Variants in SDC2 observed in about 807,000 individuals in gnomAD.
The protein encoded by SDC2 is syndecan 2.
A neutral mutation model predicts 22.2 loss-of-function variants in SDC2; 13 were observed. The observed-to-expected ratio is 0.59, with a 90% confidence interval of 0.38 to 0.93. The LOEUF is 0.93. Among genes scored for constraint, SDC2 ranks in the 40% least tolerant of loss-of-function variants. SDC2 has a pLI of 0.00. For missense variants in SDC2, 235 were observed against 246.8 expected, an observed-to-expected ratio of 0.95 and a Z score of 0.32; for synonymous variants, 94 against 92.8, an observed-to-expected ratio of 1.01 and a Z score of -0.07.
At chr8:96,535,459 A>C (rs994264696) in intron 1 of SDC2, among the ~76,000 whole-genome samples, 10 of 152,238 alleles carry the variant, frequency 6.6e-5, no homozygotes, top group African/African-American at 2.2e-4. Flanking sequence ...TTCTCCCATT[A>C]CAACTTTTTA....
chr8:96,598,936 C>CT (rs1814928408), intron 2 of SDC2, among the ~76,000 whole-genome samples: 1 of 141,896 alleles, frequency 7.0e-6, no homozygotes, highest in African/African-American at 2.6e-5. Flanking sequence ...CCATCTGTCT[C>CT]TATCTTTTTT....
At chr8:96,594,414 C>T (rs773802889) in intron 2 of SDC2, among the ~76,000 whole-genome samples, 1 of 152,106 alleles carries the variant, frequency 6.6e-6, no homozygotes, top group East Asian at 1.9e-4. Context: ...AGTAGGCAAG[C>T]TATTTTTTCA....
intron 1 of SDC2, among the ~76,000 whole-genome samples, chr8:96,495,655 ATGAGTT>A (rs1439141388): frequency 6.6e-6 from 1 of 152,072 alleles, no homozygotes; most frequent in Non-Finnish European, 1.5e-5. Flanking sequence ...AGGTAGTTTT[ATGAGTT>A]TGAGTCTCCC....
intron 1 of SDC2, among the ~76,000 whole-genome samples, chr8:96,498,535 C>T (rs1025340211): frequency 6.6e-6 from 1 of 151,604 alleles, no homozygotes; most frequent in African/African-American, 2.4e-5. Context: ...CAATGGCACT[C>T]TGCAACCACC....
intron 2 of SDC2, among the ~76,000 whole-genome samples, chr8:96,596,836 G>A (rs976568420): frequency 6.6e-6 from 1 of 152,220 alleles, no homozygotes. Context: ...AGCTAGTGGG[G>A]ACAGACTTGG....
intron 2 of SDC2, among the ~76,000 whole-genome samples, chr8:96,599,174 C>G (rs1814933409): frequency 6.6e-6 from 1 of 152,036 alleles, no homozygotes; most frequent in Admixed American, 6.5e-5. Flanking sequence ...ATCTCCTGAC[C>G]TCGTGACCCA....
intron 3 of SDC2, 38 bp downstream of exon 3, chr8:96,602,566 A>G (rs754001916): frequency 2.5e-6 from 4 of 1,608,678 alleles, no homozygotes; most frequent in South Asian, 1.1e-5. Context: ...TTATCAGGTT[A>G]TTACAAATGC....
chr8:96,598,690 G>A (rs142526779), intron 2 of SDC2, among the ~76,000 whole-genome samples: 8 of 152,148 alleles, frequency 5.3e-5, no homozygotes, highest in Non-Finnish European at 1.2e-4. Flanking sequence ...CGGTGCCCTG[G>A]TGGAGAGATC....
At chr8:96,608,526 C>G in intron 4 of SDC2, 56 bp downstream of exon 4, 2 of 1,466,840 alleles carry the variant, frequency 1.4e-6, no homozygotes, top group Non-Finnish European at 1.8e-6. Context: ...CTCTGTTAGT[C>G]TAAGTGATAT....
chr8:96,496,815 A>C (rs748651914), intron 1 of SDC2, among the ~76,000 whole-genome samples: 4 of 152,220 alleles, frequency 2.6e-5, no homozygotes, highest in Admixed American at 6.5e-5. Context: ...AAAACTGCCT[A>C]TGAAAAGGAA....
At chr8:96,558,444 A>G (rs1043671737) in intron 1 of SDC2, among the ~76,000 whole-genome samples, 3 of 152,126 alleles carry the variant, frequency 2.0e-5, no homozygotes, top group Non-Finnish European at 2.9e-5. Flanking sequence ...TTTAAGGTAA[A>G]CATACAACAC....
At position 96,558,459 on chromosome 8, in the gene SDC2, T is replaced by C. The variant is rs146819174; in HGVS notation, c.61-35021T>C. On this transcript the variant is annotated intron_variant, in intron 1 of 4. Transcript: ENST00000302190. ...TTTAAGGTAAACATACAACACAGAA[T>C]TTCTGAATTTCACCGTCTGAGATAG... 5.5e-4 allele frequency among the ~76,000 whole-genome samples: 84 copies of C among 152,308 alleles called. 1 individual carries two copies. Among genetic ancestry groups the C allele is most frequent in the African/African-American group, 1.9e-3 (80 of 41,560 alleles).
chr8:96,575,974 T>A (rs1005444830), intron 1 of SDC2, among the ~76,000 whole-genome samples: 3 of 152,202 alleles, frequency 2.0e-5, no homozygotes, highest in Admixed American at 2.0e-4. Context: ...GTCTTCCCCC[T>A]TACCGTTGTC....
At chr8:96,593,379 G>A (rs1814817421) in intron 1 of SDC2, 101 bp from the exon 2 acceptor site, 1 of 716,066 alleles carries the variant, frequency 1.4e-6, no homozygotes, top group Admixed American at 2.2e-5. Context: ...TACTGTGGGA[G>A]TGGGAGGGGT....
intron 1 of SDC2, among the ~76,000 whole-genome samples, chr8:96,589,479 C>G (rs1814742041): frequency 1.3e-5 from 2 of 152,220 alleles, no homozygotes. Context: ...GTGGCGCAGT[C>G]TTGGCTCACT....
At chr8:96,523,782 G>A (rs1038297547) in intron 1 of SDC2, among the ~76,000 whole-genome samples, 7 of 152,178 alleles carry the variant, frequency 4.6e-5, no homozygotes, top group East Asian at 1.9e-4. Context: ...AAAAAGACGC[G>A]GATTTTTTTT....
intron 1 of SDC2, among the ~76,000 whole-genome samples, chr8:96,504,861 G>A (rs1318297834): frequency 1.3e-5 from 2 of 152,014 alleles, no homozygotes; most frequent in Non-Finnish European, 2.9e-5. Context: ...GGCTGAGTCC[G>A]AAAAGAGAGT....
rs35792253 is a variant in SDC2, at chr8:96,508,296, AAATAATAATAATAATAATAATAAT to A, written c.60+13990_60+14013del. On this transcript the variant is annotated intron_variant, in intron 1 of 4. Transcript: ENST00000302190. ...GGGCAACAGAGTGAGACTCCGTCTCAAATAATAATAATAATAATAATAATAATAATAATAATAATAATAATAATT... is the reference window on the plus strand; with the variant it reads ...GGGCAACAGAGTGAGACTCCGTCTCAAATAATAATAATAATAATAATAATT... Among the ~76,000 whole-genome samples, 1,219 of 130,902 alleles carry A rather than the reference AAATAATAATAATAATAATAATAAT, an allele frequency of 9.3e-3. 16 individuals are homozygous for A. Among genetic ancestry groups the A allele is most frequent in the African/African-American group, 0.033 (1,128 of 34,010 alleles). The allele number at this position is 130,902 out of a possible 152,430, so 85.9% of individuals were successfully genotyped here.
At chr8:96,544,568 TATC>T (rs1813902999) in intron 1 of SDC2, among the ~76,000 whole-genome samples, 1 of 152,198 alleles carries the variant, frequency 6.6e-6, no homozygotes, top group South Asian at 2.1e-4. Flanking sequence ...TTCTGGCCCT[TATC>T]ATACCCTGCT....
Sources: allele counts gnomAD v4.1 joint callset (sites outside exome capture counted in the v4.1 genomes callset), GRCh38; gene constraint gnomAD v4.1.1; transcripts MANE v1.5; gene names NCBI Gene and HGNC (gene_info 2026-07-23, HGNC 2026-07-21).